MTCL1: variants seen among roughly 807,000 people sequenced by gnomAD.
MTCL1 encodes microtubule cross-linking factor 1.
Under a neutral mutation model 141.4 loss-of-function variants are expected in MTCL1, and 79 were observed. That is an observed-to-expected ratio of 0.56 (90% CI 0.47 to 0.67). MTCL1 has a LOEUF of 0.67. Ranked by LOEUF, MTCL1 falls within the 30% of genes least tolerant of loss-of-function variation. MTCL1 has a pLI of 0.00. For missense variants in MTCL1, 2,177 were observed against 2,113.9 expected, an observed-to-expected ratio of 1.03 and a Z score of -0.59; for synonymous variants, 914 against 875.8, an observed-to-expected ratio of 1.04 and a Z score of -0.77.
intron 4 of MTCL1, among the ~76,000 whole-genome samples, chr18:8,733,476 C>T (rs1382841698): frequency 2.6e-5 from 4 of 152,036 alleles, no homozygotes; most frequent in African/African-American, 4.8e-5. Flanking sequence ...CGTGATCTTG[C>T]CTCACTGCAA....
intron 10 of MTCL1, among the ~76,000 whole-genome samples, chr18:8,798,721 C>G (rs573429703): frequency 6.6e-6 from 1 of 152,194 alleles, no homozygotes; most frequent in South Asian, 2.1e-4. Flanking sequence ...ACATAATGCT[C>G]CCAAATAAAA....
chr18:8,711,389 C>T (rs1385143227), intron 1 of MTCL1, among the ~76,000 whole-genome samples: 8 of 148,812 alleles, frequency 5.4e-5, no homozygotes, highest in Non-Finnish European at 4.5e-5. Flanking sequence ...ATTTCTAGTC[C>T]TTTGGGTATA....
upstream of MTCL1, among the ~76,000 whole-genome samples, chr18:8,715,749 T>G (rs2096124856): frequency 6.6e-6 from 1 of 152,258 alleles, no homozygotes; most frequent in South Asian, 2.1e-4. Flanking sequence ...ACAAGGCTCA[T>G]TTTAAAGCTT....
chr18:8,786,226 C>T (rs1430893197), intron 7 of MTCL1, 135 bp downstream of exon 6: 2 of 1,056,104 alleles, frequency 1.9e-6, no homozygotes, highest in South Asian at 1.4e-5. Context: ...GTGGAACTCA[C>T]TTGACAGCAA....
chr18:8,824,914 G>A, exon 15 of MTCL1: 1 of 1,613,828 alleles, frequency 6.2e-7, no homozygotes, highest in East Asian at 2.2e-5. Flanking sequence ...TGGGCCGACA[G>A]GACCGAGGTG....
At chr18:8,772,765 A>G (rs1290237340) in intron 4 of MTCL1, among the ~76,000 whole-genome samples, 2 of 151,974 alleles carry the variant, frequency 1.3e-5, no homozygotes, top group East Asian at 3.8e-4. Flanking sequence ...TTTATAGTGT[A>G]TTATGAGCAT....
intron 4 of MTCL1, among the ~76,000 whole-genome samples, chr18:8,758,087 C>T (rs1002823919): frequency 8.7e-5 from 13 of 149,656 alleles, no homozygotes; most frequent in East Asian, 2.0e-4. Context: ...TGCAATGGCG[C>T]GATCTCGGCT....
Position 8,830,114 on chromosome 18 carries a change from CAG to C in MTCL1, c.*18+1152_*18+1153del. The C allele has an allele frequency of 1.0e-6, 1 of 985,478 alleles. No individual in the cohort carries two copies. Among genetic ancestry groups the C allele is most frequent in the Non-Finnish European group, 1.2e-6 (1 of 830,036 alleles). 61.0% of individuals were successfully genotyped at this position (985,478 alleles called of 1,614,324 possible). ...AAGGGGAGCGCAGACACAAAACACA[CAG>C]ATTTCCCAAACCGTGTGTCCCAGTC... On this transcript the variant is annotated intron_variant, in intron 16 of 16. Coordinates refer to ENST00000359865, the Ensembl canonical transcript of MTCL1. The surrounding 1 kb of genome is among the most constrained non-coding windows in gnomAD (Gnocchi z 6.4).
intron 10 of MTCL1, among the ~76,000 whole-genome samples, chr18:8,799,319 A>T (rs2076037286): frequency 6.6e-6 from 1 of 152,228 alleles, no homozygotes; most frequent in South Asian, 2.1e-4. Context: ...GTGCAGGCTG[A>T]GGGGAATTTG....
At position 8,793,055 on chromosome 18, in the gene MTCL1, C is replaced by T; in HGVS notation, c.1945C>T (p.Gln649Ter). The change falls in exon 8 of 17, where the codon CAG (glutamine) becomes TAG (stop). Residue 649 changes from glutamine to a stop codon, truncating the protein, a stop_gained. Coordinates refer to ENST00000359865, the Ensembl canonical transcript of MTCL1. LOFTEE classifies it high-confidence loss of function. ...TGTATCCATAGAGGAGCTACAGGGT[C>T]AGCTCGTGCAGGCGGCCAGACTGCA... The T allele has an allele frequency of 6.2e-7, 1 of 1,614,148 alleles. No individual in the cohort carries two copies. The highest frequency in any genetic ancestry group is 8.5e-7 in the Non-Finnish European group (1 of 1,180,014).
chr18:8,761,083 C>T (rs1465301453), intron 4 of MTCL1, among the ~76,000 whole-genome samples: 4 of 152,122 alleles, frequency 2.6e-5, no homozygotes, highest in African/African-American at 9.7e-5. Flanking sequence ...GCTGCCCTCA[C>T]AAAATTTATA....
In MTCL1 at chr18:8,705,713, A is replaced by G; in HGVS notation, c.53A>G (p.Gln18Arg). The G allele has an allele frequency of 8.3e-7, 1 of 1,203,612 alleles. No individual in the cohort carries two copies. The highest frequency in any genetic ancestry group is 4.4e-5 in the Admixed American group (1 of 22,546). The allele number at this position is 1,203,612 out of a possible 1,614,324, so 74.6% of individuals were successfully genotyped here. ...GGAGGTGCCCCGGACGCGAAGCTGC[A>G]GCCGCCCGGCCAGCACCACCGCCAC... is the stretch of plus-strand genomic sequence containing the variant. The change falls in exon 1 of 14, where the codon CAG becomes CGG. Residue 18 changes from glutamine to arginine, a missense_variant. By Grantham distance (43) the Gln-to-Arg change is conservative (BLOSUM62 1). Transcript: ENST00000306329. The surrounding 1 kb of genome is among the most constrained non-coding windows in gnomAD (Gnocchi z 5.2).
chr18:8,767,275 G>A (rs1300356857), intron 4 of MTCL1, among the ~76,000 whole-genome samples: 1 of 152,218 alleles, frequency 6.6e-6, no homozygotes, highest in Non-Finnish European at 1.5e-5. Flanking sequence ...AGTAGCTTTT[G>A]TGGAGTAATG....
chr18:8,740,151 T>G (rs2096294824), intron 4 of MTCL1, among the ~76,000 whole-genome samples: 1 of 152,236 alleles, frequency 6.6e-6, no homozygotes, highest in African/African-American at 2.4e-5. Flanking sequence ...TCCTGCTGAG[T>G]GAATTTGGAG....
chr18:8,770,558 A>C (rs1267697137), intron 4 of MTCL1, among the ~76,000 whole-genome samples: 2 of 152,146 alleles, frequency 1.3e-5, no homozygotes, highest in African/African-American at 4.8e-5. Context: ...CACCTTCATG[A>C]CCTCATTGCA....
exon 1 of MTCL1, chr18:8,706,384 G>C (rs531662992): frequency 1.6e-6 from 2 of 1,229,542 alleles, no homozygotes; most frequent in African/African-American, 3.1e-5. Context: ...GGGCTCCAGC[G>C]ACCGTGAACC....
intron 4 of MTCL1, among the ~76,000 whole-genome samples, chr18:8,751,807 G>A (rs2096372852): frequency 6.6e-6 from 1 of 152,200 alleles, no homozygotes; most frequent in Non-Finnish European, 1.5e-5. Flanking sequence ...AATGCTCTGA[G>A]TTGGGGCAGA....
Position 8,784,221 on chromosome 18 carries a change from A to G in MTCL1, c.1109A>G (p.Asp370Gly). ...CTGCTGTCCAACATCCAGCGCTGCGACCTGGCAGCCCACCTGGGGCTGCGT... is the reference window on the plus strand; with the variant it reads ...CTGCTGTCCAACATCCAGCGCTGCGGCCTGGCAGCCCACCTGGGGCTGCGT... Residue 370 changes from aspartate (D) to glycine (G), a missense_variant, in exon 6 of 17, where the codon GAC (aspartate) becomes GGC (glycine). Physicochemically the swap from Asp to Gly is moderately conservative, Grantham distance 94 (BLOSUM62 -1). Coordinates refer to ENST00000359865, the Ensembl canonical transcript of MTCL1. 3 of 1,611,128 alleles carry G rather than the reference A, an allele frequency of 1.9e-6. No homozygotes were observed. The South Asian group carries it at 3.3e-5, about 18-fold the overall frequency.
chr18:8,813,354 C>T, intron 12 of MTCL1, 121 bp downstream of exon 11: 1 of 1,191,120 alleles, frequency 8.4e-7, no homozygotes, highest in Non-Finnish European at 1.2e-6. Context: ...CATGGGCTTC[C>T]AAAGGAAGAG....
Sources: allele counts gnomAD v4.1 joint callset (sites outside exome capture counted in the v4.1 genomes callset), GRCh38; gene constraint gnomAD v4.1.1; non-coding constraint Gnocchi (gnomAD v3.1); transcripts MANE v1.5; gene names NCBI Gene and HGNC (gene_info 2026-07-23, HGNC 2026-07-21).